WWOX: variants seen among roughly 807,000 people sequenced by gnomAD.
WWOX encodes WW domain-containing oxidoreductase.
In WWOX, 69 loss-of-function variants were observed where a neutral mutation model predicts 46.2. That is an observed-to-expected ratio of 1.49 (90% CI 1.23 to 1.82). WWOX has a LOEUF of 1.82. WWOX is among the 40% of genes most tolerant of loss of function. WWOX has a pLI of 0.00. For missense variants in WWOX, 919 were observed against 542.6 expected (o/e 1.69, Z -6.89); for synonymous variants, 359 against 202.6 (o/e 1.77, Z -6.56).
intron 8 of WWOX, among the ~76,000 whole-genome samples, chr16:78,513,900 C>CG (rs796557159): frequency 4.7e-5 from 7 of 147,526 alleles, no homozygotes; most frequent in Non-Finnish European, 8.9e-5. Context: ...CCACTCCCCC[C>CG]CCCCCCACTT....
intron 8 of WWOX, among the ~76,000 whole-genome samples, chr16:78,540,020 T>TCTCTCTCTCTCACACACACA (rs369075883): frequency 3.8e-5 from 5 of 132,854 alleles, no homozygotes; most frequent in African/African-American, 1.5e-4. Flanking sequence ...TCTCTCTCTC[T>TCTCTCTCTCTCACACACACA]CACACACACA....
chr16:78,588,609 G>T (rs1470955556), intron 8 of WWOX, among the ~76,000 whole-genome samples: 1 of 152,182 alleles, frequency 6.6e-6, no homozygotes, highest in South Asian at 2.1e-4. Context: ...TGAGGATACT[G>T]AGGCTCAGAG....
chr16:78,944,283 A>G (rs959979118), intron 8 of WWOX, among the ~76,000 whole-genome samples: 2 of 152,122 alleles, frequency 1.3e-5, no homozygotes, highest in African/African-American at 2.4e-5. Flanking sequence ...CAGCATCTAC[A>G]TCTTTCAGCC....
At chr16:78,123,440 GTTTTTTTTT>G (rs60936755) in intron 4 of WWOX, 1 of 50,480 alleles carries the variant, frequency 2.0e-5, no homozygotes, top group East Asian at 6.3e-4. Flanking sequence ...TTTTTGTTTT[GTTTTTTTTT>G]TTTTTGTTTT....
In WWOX at chr16:78,617,873, T is replaced by C. The variant is rs576843458; in HGVS notation, c.1056+185121T>C. ...ATATTTTGACATTTCTGTCAAAATA[T>C]GAATCTATCTTTGCCTAGCATCTTT... is the stretch of plus-strand genomic sequence containing the variant. On this transcript the variant is annotated intron_variant, in intron 8 of 8. Coordinates refer to ENST00000566780, the MANE Select transcript of WWOX (RefSeq NM_016373.4). Among the ~76,000 whole-genome samples the C allele has an allele frequency of 8.5e-5, 13 of 152,356 alleles. No individual in the cohort carries two copies. The East Asian group carries it at 2.1e-3, about 25-fold the overall frequency.
intron 8 of WWOX, among the ~76,000 whole-genome samples, chr16:78,787,503 C>T (rs1330858993): frequency 6.6e-6 from 1 of 152,102 alleles, no homozygotes. Context: ...GTACTTCATT[C>T]TTTTTATGGT....
intron 6 of WWOX, among the ~76,000 whole-genome samples, chr16:78,417,283 A>C (rs375221095): frequency 6.6e-5 from 10 of 151,560 alleles, no homozygotes; most frequent in African/African-American, 2.4e-4. Context: ...TGTAGAGATG[A>C]GGTCTTGCTA....
intron 8 of WWOX, among the ~76,000 whole-genome samples, chr16:79,030,636 A>C (rs937802704): frequency 6.6e-6 from 1 of 152,026 alleles, no homozygotes; most frequent in Non-Finnish European, 1.5e-5. Context: ...TTTTCGTTCA[A>C]CCTTTGTTTG....
At chr16:78,220,291 T>C (rs748837148) in intron 5 of WWOX, among the ~76,000 whole-genome samples, 2 of 152,200 alleles carry the variant, frequency 1.3e-5, no homozygotes, top group African/African-American at 2.4e-5. Context: ...TTACCTTATG[T>C]CTTTCTGATT....
At chr16:78,768,279 T>TAAAAAAAAAAAAA (rs56280651) in intron 8 of WWOX, among the ~76,000 whole-genome samples, 8 of 91,960 alleles carry the variant, frequency 8.7e-5, no homozygotes, top group East Asian at 2.8e-4. Context: ...ATAGATGAGT[T>TAAAAAAAAAAAAA]AAAAAAAAAA....
chr16:78,725,650 A>C (rs1464707731), intron 8 of WWOX, among the ~76,000 whole-genome samples: 1 of 151,912 alleles, frequency 6.6e-6, no homozygotes, highest in African/African-American at 2.4e-5. Context: ...ACAAAGTAAT[A>C]AAATTGGTTT....
chr16:78,578,434 C>T lies in WWOX; in HGVS notation c.1056+145682C>T, dbSNP rs1463220027. 6.0e-5 allele frequency among the ~76,000 whole-genome samples: 9 copies of T among 150,050 alleles called. No homozygotes were observed. The South Asian group carries it at 8.5e-4, about 14-fold the overall frequency. On this transcript the variant is annotated intron_variant, in intron 8 of 8. Transcript: ENST00000566780. The stretch of plus-strand genomic sequence containing the variant: ...CCTCCTGAGTAGCTGGCACTATAGG[C>T]GCCCACCACCATGCCTGGCTAATTT...
chr16:78,268,271 TG>T (rs976636982), intron 5 of WWOX, among the ~76,000 whole-genome samples: 6 of 152,224 alleles, frequency 3.9e-5, no homozygotes, highest in African/African-American at 1.2e-4. Flanking sequence ...TTTTCCCCAT[TG>T]GTAAGTAGTA....
chr16:78,331,919 C>G (rs976339149), intron 5 of WWOX, among the ~76,000 whole-genome samples: 1 of 152,172 alleles, frequency 6.6e-6, no homozygotes, highest in African/African-American at 2.4e-5. Context: ...ATGCAATGTG[C>G]CAACAGGGAG....
chr16:78,737,978 G>C (rs1254739017), intron 8 of WWOX, among the ~76,000 whole-genome samples: 4 of 152,160 alleles, frequency 2.6e-5, no homozygotes, highest in Non-Finnish European at 5.9e-5. Context: ...ACCAACATGA[G>C]TCCATGTGTT....
chr16:78,215,566 G>A (rs553021878), intron 5 of WWOX, among the ~76,000 whole-genome samples: 2 of 152,322 alleles, frequency 1.3e-5, no homozygotes, highest in Admixed American at 6.5e-5. Flanking sequence ...GCGGAACTGT[G>A]AGTCAATAAA....
chr16:78,514,825 A>G (rs191601388), intron 8 of WWOX, among the ~76,000 whole-genome samples: 43 of 152,322 alleles, frequency 2.8e-4, no homozygotes, highest in Middle Eastern at 3.4e-3. Flanking sequence ...GAAAAGACCA[A>G]TGAATTATCT....
intron 5 of WWOX, among the ~76,000 whole-genome samples, chr16:78,233,126 T>C (rs2037322865): frequency 1.3e-5 from 2 of 152,238 alleles, no homozygotes; most frequent in African/African-American, 4.8e-5. Flanking sequence ...TCACTTTAGC[T>C]GAAACCAGTT....
chr16:78,867,041 G>T (rs1487074576), intron 8 of WWOX, among the ~76,000 whole-genome samples: 1 of 152,198 alleles, frequency 6.6e-6, no homozygotes, highest in Non-Finnish European at 1.5e-5. Flanking sequence ...TCTTGACTTT[G>T]TGGAAGGAGA....
Sources: gnomAD v4.1 joint callset for allele counts (sites outside exome capture counted in the v4.1 genomes callset) on GRCh38, gnomAD v4.1.1 for gene constraint, MANE v1.5 for transcripts, NCBI Gene and HGNC (gene_info 2026-07-23, HGNC 2026-07-21) for gene names.